Variants in PTPRG observed in about 807,000 individuals in gnomAD.
PTPRG encodes the protein protein tyrosine phosphatase receptor type G, also known as receptor-type tyrosine-protein phosphatase gamma.
PTPRG carries 102 observed loss-of-function variants against 165.3 expected under a neutral mutation model. The ratio of observed to expected loss-of-function variants is 0.62; its 90% CI spans 0.53 to 0.73. The LOEUF is 0.73. Ranked by LOEUF, PTPRG falls within the 30% of genes least tolerant of loss-of-function variation. The pLI is 0.00. For synonymous variants in PTPRG, 675 were observed against 669.5 expected, an observed-to-expected ratio of 1.01 and a Z score of -0.13; for missense variants, 1,866 against 1,861.4, an observed-to-expected ratio of 1.00 and a Z score of -0.05.
At chr3:61,579,187 C>G (rs1444061145) in intron 1 of PTPRG, among the ~76,000 whole-genome samples, 1 of 152,202 alleles carries the variant, frequency 6.6e-6, no homozygotes, top group Non-Finnish European at 1.5e-5. Context: ...TCACACGGAA[C>G]TTTGGCCAAG....
chr3:61,643,097 C>A (rs1702107516), intron 1 of PTPRG, among the ~76,000 whole-genome samples: 1 of 151,902 alleles, frequency 6.6e-6, no homozygotes, highest in Non-Finnish European at 1.5e-5. Flanking sequence ...AAATAAATTA[C>A]AAGAAAGGAA....
intron 1 of PTPRG, among the ~76,000 whole-genome samples, chr3:61,582,881 T>C (rs1454062122): frequency 6.6e-6 from 1 of 152,228 alleles, no homozygotes; most frequent in Non-Finnish European, 1.5e-5. Flanking sequence ...AGCAATGTGT[T>C]GCAGTGTAAG....
At chr3:61,913,606 G>A (rs1002356460) in intron 2 of PTPRG, among the ~76,000 whole-genome samples, 1 of 152,182 alleles carries the variant, frequency 6.6e-6, no homozygotes, top group Admixed American at 6.5e-5. Context: ...GGCTTCAGTG[G>A]TTGCTCAGAG....
At chr3:61,738,640 G>T (rs1175890030) in intron 1 of PTPRG, among the ~76,000 whole-genome samples, 1 of 151,196 alleles carries the variant, frequency 6.6e-6, no homozygotes, top group Non-Finnish European at 1.5e-5. Context: ...TATTTCTCAT[G>T]GATAAAAATG....
In PTPRG at chr3:61,656,456, G is replaced by A. The variant is rs952377956; in HGVS notation, c.86-92422G>A. On this transcript the variant is annotated intron_variant, in intron 1 of 29. Coordinates refer to ENST00000474889, the MANE Select transcript of PTPRG (RefSeq NM_002841.4). ...CCCTAACCAGGAATGCATTTTAAGG[G>A]AATACTCTTGTGATGAGTGGATTTC... Among the ~76,000 whole-genome samples, 4 of 152,144 alleles carry A rather than the reference G, an allele frequency of 2.6e-5. No homozygotes were observed. In the South Asian group the frequency reaches 8.3e-4, roughly 32 times the overall value.
At chr3:62,080,061 CATTT>C (rs1404681856) in intron 5 of PTPRG, among the ~76,000 whole-genome samples, 2 of 111,568 alleles carry the variant, frequency 1.8e-5, no homozygotes, top group Non-Finnish European at 1.8e-5. Context: ...CCCTTCGGTT[CATTT>C]TTTTTTTTTT....
At chr3:61,608,191 A>G (rs1003817403) in intron 1 of PTPRG, among the ~76,000 whole-genome samples, 16 of 150,276 alleles carry the variant, frequency 1.1e-4, no homozygotes, top group Non-Finnish European at 2.1e-4. Flanking sequence ...CCTTCTTCGT[A>G]CAGAGCCTCG....
chr3:61,800,713 G>A (rs902968609), intron 2 of PTPRG, among the ~76,000 whole-genome samples: 3 of 150,882 alleles, frequency 2.0e-5, no homozygotes, highest in Non-Finnish European at 4.4e-5. Flanking sequence ...GCATGATCTC[G>A]GCTTACTGCA....
At chr3:61,938,541 T>G (rs1466252392) in intron 2 of PTPRG, among the ~76,000 whole-genome samples, 2 of 152,234 alleles carry the variant, frequency 1.3e-5, no homozygotes, top group African/African-American at 4.8e-5. Flanking sequence ...CAGCCCTCTA[T>G]GATGAATATC....
intron 4 of PTPRG, among the ~76,000 whole-genome samples, chr3:62,011,195 C>T (rs1162262167): frequency 1.3e-5 from 2 of 152,156 alleles, no homozygotes. Context: ...ATTTCCCTCC[C>T]GTGCATGTGT....
intron 4 of PTPRG, among the ~76,000 whole-genome samples, chr3:62,004,017 T>A (rs2041234098): frequency 6.6e-6 from 1 of 152,180 alleles, no homozygotes; most frequent in East Asian, 1.9e-4. Flanking sequence ...TTCTGCTGTG[T>A]CAGTCTTCTC....
chr3:61,729,793 ACT>A (rs1290350877), intron 1 of PTPRG, among the ~76,000 whole-genome samples: 6 of 151,676 alleles, frequency 4.0e-5, no homozygotes, highest in East Asian at 3.9e-4. Flanking sequence ...CTTTTTATGT[ACT>A]CTCTTGCCTA....
At position 61,961,336 on chromosome 3, in the gene PTPRG, A is replaced by G. The variant is rs76956148; in HGVS notation, c.191-28289A>G. ...CCTTTAGGGTTGAAGTATTAGGGAC[A>G]GGTGTGTATGCAGTTTTTTCTCAGC... On this transcript the variant is annotated intron_variant, in intron 2 of 29. Transcript: ENST00000474889. 8.5e-4 allele frequency among the ~76,000 whole-genome samples: 130 copies of G among 152,336 alleles called. No homozygotes were observed. In the East Asian group the frequency reaches 0.025, roughly 29 times the overall value.
intron 1 of PTPRG, among the ~76,000 whole-genome samples, chr3:61,703,272 C>A (rs1447090876): frequency 6.6e-6 from 1 of 152,096 alleles, no homozygotes; most frequent in Non-Finnish European, 1.5e-5. Context: ...CATTTTCCGA[C>A]TGATGCCTTT....
chr3:62,253,703 T>G (rs933380225), intron 15 of PTPRG, among the ~76,000 whole-genome samples: 1 of 152,220 alleles, frequency 6.6e-6, no homozygotes, highest in African/African-American at 2.4e-5. Context: ...GGTTACATCA[T>G]GAGAGCTATA....
At chr3:61,742,109 A>G (rs1164606582) in intron 1 of PTPRG, among the ~76,000 whole-genome samples, 1 of 152,166 alleles carries the variant, frequency 6.6e-6, no homozygotes, top group South Asian at 2.1e-4. Flanking sequence ...TTAGACTGCA[A>G]ATTAACACAG....
In PTPRG at chr3:61,878,582, C is replaced by T. The variant is rs115734940; in HGVS notation, c.191-111043C>T. On this transcript the variant is annotated intron_variant, in intron 2 of 29. Transcript: ENST00000474889. ...GATCAGGGCTCACTGTAGCCTCAAC[C>T]TCCTAGGCTCAAGCCATCCTCCTGC... 5.9e-3 allele frequency among the ~76,000 whole-genome samples: 898 copies of T among 152,330 alleles called. 7 individuals are homozygous for T. The highest frequency in any genetic ancestry group is 0.021 in the African/African-American group (872 of 41,570).
At chr3:61,740,500 A>T (rs760202104) in intron 1 of PTPRG, among the ~76,000 whole-genome samples, 27 of 152,174 alleles carry the variant, frequency 1.8e-4, no homozygotes, top group Non-Finnish European at 3.8e-4. Context: ...TTAATGGCAG[A>T]GGAATGACTC....
At chr3:62,140,813 C>T (rs1316409344) in intron 6 of PTPRG, among the ~76,000 whole-genome samples, 1 of 142,182 alleles carries the variant, frequency 7.0e-6, no homozygotes, top group African/African-American at 2.7e-5. Context: ...AGCCACTGCA[C>T]TCCAGCTTGG....
Sources: allele counts gnomAD v4.1 joint callset (sites outside exome capture counted in the v4.1 genomes callset), GRCh38; gene constraint gnomAD v4.1.1; transcripts MANE v1.5; gene names NCBI Gene and HGNC (gene_info 2026-07-23, HGNC 2026-07-21).